Variants in CLSTN2 observed in about 807,000 individuals in gnomAD.
CLSTN2 encodes calsyntenin 2.
Under a neutral mutation model 101.2 loss-of-function variants are expected in CLSTN2, and 48 were observed. That is an observed-to-expected ratio of 0.47 (90% CI 0.38 to 0.60). The LOEUF (loss-of-function observed/expected upper bound fraction) is 0.60. Ranked by LOEUF, CLSTN2 falls within the 20% of genes least tolerant of loss-of-function variation. The pLI is 0.00. For missense variants in CLSTN2, 1,160 were observed against 1,238.2 expected, an observed-to-expected ratio of 0.94 and a Z score of 0.95; for synonymous variants, 481 against 463.6, an observed-to-expected ratio of 1.04 and a Z score of -0.48.
intron 2 of CLSTN2, among the ~76,000 whole-genome samples, chr3:140,372,870 GGAACT>G (rs776183041): frequency 5.3e-5 from 8 of 152,170 alleles, no homozygotes; most frequent in Non-Finnish European, 1.0e-4. Flanking sequence ...TTTGAGGGCA[GGAACT>G]GGATGACATA....
At chr3:140,395,014 A>C (rs941559920) in intron 2 of CLSTN2, among the ~76,000 whole-genome samples, 1 of 152,176 alleles carries the variant, frequency 6.6e-6, no homozygotes, top group Non-Finnish European at 1.5e-5. Flanking sequence ...GTCTCTCAGC[A>C]TATAAATAAG....
chr3:140,268,354 G>T (rs1435494414), intron 2 of CLSTN2, among the ~76,000 whole-genome samples: 1 of 152,166 alleles, frequency 6.6e-6, no homozygotes, highest in Non-Finnish European at 1.5e-5. Context: ...CCCCTGTTGG[G>T]CTGGGGACAT....
chr3:139,935,449 G>T lies in CLSTN2; in HGVS notation c.75G>T (p.Gly25=). 8.1e-7 allele frequency: 1 copy of T among 1,231,478 alleles called. No individual in the cohort carries two copies. Among genetic ancestry groups the T allele is most frequent in the Non-Finnish European group, 1.0e-6 (1 of 987,322 alleles). 76.3% of individuals were successfully genotyped at this position (1,231,478 alleles called of 1,614,324 possible). The change falls in exon 1 of 17, where the codon GGG becomes GGT. Residue 25 remains glycine (G), a synonymous_variant. Coordinates refer to ENST00000458420, the MANE Select transcript of CLSTN2 (RefSeq NM_022131.3). This position sits in a 1 kb window ranked among gnomAD's most constrained non-coding sequence, Gnocchi z 5.5. The part of the protein sequence containing the change: ...LGVGSGSGGG[G]DSRQRRLLAA... ...TGGGGAGCGGCAGCGGCGGTGGCGG[G>T]GACAGCCGGCAGCGCCGCCTCCTCG...
At chr3:140,517,346 C>A (rs1181792701) in intron 8 of CLSTN2, among the ~76,000 whole-genome samples, 1 of 151,982 alleles carries the variant, frequency 6.6e-6, no homozygotes, top group East Asian at 1.9e-4. Flanking sequence ...TGGTTTGGGT[C>A]CATTGGTGGT....
chr3:140,260,094 G>A (rs957479191), intron 2 of CLSTN2, among the ~76,000 whole-genome samples: 59 of 150,050 alleles, frequency 3.9e-4, no homozygotes, highest in Middle Eastern at 3.5e-3. Context: ...TAACAAACCT[G>A]CCCATGTACC....
chr3:139,952,383 A>C lies in CLSTN2; in HGVS notation c.109+16900A>C, dbSNP rs78437156. Among the ~76,000 whole-genome samples, 1,439 of 152,304 alleles carry C rather than the reference A, an allele frequency of 9.4e-3. 18 individuals carry two copies. The highest frequency in any genetic ancestry group is 0.033 in the African/African-American group (1,351 of 41,562). On this transcript the variant is annotated intron_variant, in intron 1 of 16. Transcript: ENST00000458420. ...TGCAATAAAAAGAAGAGCTTGGGAGAGAGAGGAGTGTCCTCATGCCCACTC... is the reference window on the plus strand; with the variant it reads ...TGCAATAAAAAGAAGAGCTTGGGAGCGAGAGGAGTGTCCTCATGCCCACTC...
chr3:140,172,662 T>A (rs1371049136), intron 1 of CLSTN2, among the ~76,000 whole-genome samples: 2 of 152,212 alleles, frequency 1.3e-5, no homozygotes, highest in Non-Finnish European at 2.9e-5. Flanking sequence ...AGAGGTTTAA[T>A]TGGACTTACA....
At chr3:139,955,848 A>G (rs1935385436) in intron 1 of CLSTN2, among the ~76,000 whole-genome samples, 2 of 152,218 alleles carry the variant, frequency 1.3e-5, no homozygotes, top group Non-Finnish European at 2.9e-5. Context: ...GGTGGGCAGC[A>G]TGCATGGAGG....
intron 1 of CLSTN2, among the ~76,000 whole-genome samples, chr3:140,021,019 C>G (rs571174299): frequency 1.3e-5 from 2 of 152,152 alleles, no homozygotes; most frequent in African/African-American, 4.8e-5. Context: ...TCATTTTAAC[C>G]TTTTATTTAG....
At chr3:140,507,130 A>G (rs1261821944) in intron 8 of CLSTN2, 1 of 152,170 alleles carries the variant, frequency 6.6e-6, no homozygotes, top group Non-Finnish European at 1.5e-5. Flanking sequence ...GCCGAGAACC[A>G]TGTAAGTATT....
At chr3:140,241,596 T>C (rs1185386550) in intron 2 of CLSTN2, among the ~76,000 whole-genome samples, 1 of 152,078 alleles carries the variant, frequency 6.6e-6, no homozygotes, top group Non-Finnish European at 1.5e-5. Context: ...GACTTGACTA[T>C]GTATTCATTT....
intron 8 of CLSTN2, among the ~76,000 whole-genome samples, chr3:140,520,891 T>C (rs1332327155): frequency 6.6e-6 from 1 of 152,204 alleles, no homozygotes; most frequent in Non-Finnish European, 1.5e-5. Context: ...CTGTCTTATT[T>C]CAGAAAAATA....
intron 1 of CLSTN2, among the ~76,000 whole-genome samples, chr3:140,090,068 G>A (rs2008750881): frequency 6.7e-6 from 1 of 148,362 alleles, no homozygotes; most frequent in Non-Finnish European, 1.5e-5. Context: ...TTTCTGTGTG[G>A]GGGAGAAATT....
At chr3:140,329,106 G>T (rs961509705) in intron 2 of CLSTN2, among the ~76,000 whole-genome samples, 7 of 152,164 alleles carry the variant, frequency 4.6e-5, no homozygotes, top group Admixed American at 6.5e-5. Flanking sequence ...CTTCCTGTTG[G>T]CCGGGCATGG....
At chr3:140,020,261 A>G (rs970188778) in intron 1 of CLSTN2, among the ~76,000 whole-genome samples, 2 of 152,176 alleles carry the variant, frequency 1.3e-5, no homozygotes, top group African/African-American at 4.8e-5. Flanking sequence ...GGTGTTCAAC[A>G]CTATCTGGTG....
intron 8 of CLSTN2, among the ~76,000 whole-genome samples, chr3:140,496,555 A>T (rs1934471005): frequency 1.3e-5 from 2 of 152,144 alleles, no homozygotes; most frequent in Non-Finnish European, 1.5e-5. Context: ...TTTCAAGGGG[A>T]ATGCGTCCAG....
intron 1 of CLSTN2, among the ~76,000 whole-genome samples, chr3:140,153,691 A>G (rs1389044172): frequency 1.3e-5 from 2 of 152,228 alleles, no homozygotes; most frequent in African/African-American, 4.8e-5. Context: ...GGGACTTCTC[A>G]AATTCTCTTT....
chr3:140,015,937 G>A (rs2007191045), intron 1 of CLSTN2, among the ~76,000 whole-genome samples: 1 of 152,232 alleles, frequency 6.6e-6, no homozygotes, highest in South Asian at 2.1e-4. Context: ...ACATTGGCCA[G>A]TATCTGCCCT....
intron 1 of CLSTN2, among the ~76,000 whole-genome samples, chr3:140,160,934 T>C (rs2010036358): frequency 6.6e-6 from 1 of 152,160 alleles, no homozygotes; most frequent in Non-Finnish European, 1.5e-5. Flanking sequence ...GTTCAGATAA[T>C]CATTGAGGAG....
Sources: gnomAD v4.1 joint callset for allele counts (sites outside exome capture counted in the v4.1 genomes callset) on GRCh38, gnomAD v4.1.1 for gene constraint, Gnocchi (gnomAD v3.1) non-coding constraint, MANE v1.5 for transcripts, NCBI Gene and HGNC (gene_info 2026-07-23, HGNC 2026-07-21) for gene names.